ULK4: variants seen among roughly 807,000 people sequenced by gnomAD.
ULK4 encodes the protein inactive serine/threonine-protein kinase ULK4.
In ULK4, 133 loss-of-function variants were observed where a neutral mutation model predicts 160.6. The observed-to-expected ratio is 0.83, with a 90% CI of 0.72 to 0.96. The LOEUF is 0.96. ULK4 is among the 40% of genes least tolerant of loss of function. ULK4 has a pLI of 0.00. For missense variants in ULK4, 1,580 were observed against 1,499.5 expected (o/e 1.05, Z -0.89); for synonymous variants, 534 against 539.8 (o/e 0.99, Z 0.15).
At chr3:41,432,236 T>C (rs1240208448) in intron 34 of ULK4, among the ~76,000 whole-genome samples, 1 of 152,114 alleles carries the variant, frequency 6.6e-6, no homozygotes, top group Admixed American at 6.5e-5. Context: ...CAGTATGACC[T>C]TGAAATAGAG....
chr3:41,382,119 C>G (rs28682472), intron 35 of ULK4, among the ~76,000 whole-genome samples: 240 of 152,264 alleles, frequency 1.6e-3, no homozygotes, highest in African/African-American at 5.2e-3. Flanking sequence ...TGTTGTCTTT[C>G]CTCTCTTCCT....
At chr3:41,865,688 G>T (rs2042600139) in intron 17 of ULK4, among the ~76,000 whole-genome samples, 1 of 152,104 alleles carries the variant, frequency 6.6e-6, no homozygotes. Flanking sequence ...TTGGCTCAAA[G>T]AAGGTGCTCA....
chr3:41,936,584 C>A (rs1486876824), intron 3 of ULK4, among the ~76,000 whole-genome samples: 1 of 152,064 alleles, frequency 6.6e-6, no homozygotes, highest in Non-Finnish European at 1.5e-5. Flanking sequence ...TACTATTCAG[C>A]CATAAAAAAG....
At chr3:41,624,157 G>A (rs999174745) in intron 30 of ULK4, among the ~76,000 whole-genome samples, 1 of 152,150 alleles carries the variant, frequency 6.6e-6, no homozygotes. Flanking sequence ...CAGGAAACAC[G>A]CAGACTCAAA....
At chr3:41,888,774 G>GA (rs1231525213) in intron 16 of ULK4, among the ~76,000 whole-genome samples, 1 of 32,522 alleles carries the variant, frequency 3.1e-5, no homozygotes, top group African/African-American at 4.2e-5. Flanking sequence ...AACAGGGAAG[G>GA]GGTAAATGAG....
chr3:41,634,043 G>C (rs929023476), intron 30 of ULK4, among the ~76,000 whole-genome samples: 12 of 152,202 alleles, frequency 7.9e-5, no homozygotes, highest in Non-Finnish European at 2.9e-5. Context: ...CAAAATCGAT[G>C]TTCCAATGCC....
chr3:41,897,150 C>A (rs1231227298), intron 14 of ULK4, 147 bp from the exon 15 acceptor site: 2 of 668,118 alleles, frequency 3.0e-6, no homozygotes, highest in African/African-American at 3.6e-5. Flanking sequence ...AAAGATGACA[C>A]TATTTTTATT....
chr3:41,854,097 G>C (rs2042279200), intron 17 of ULK4: 1 of 152,164 alleles, frequency 6.6e-6, no homozygotes, highest in African/African-American at 2.4e-5. Flanking sequence ...GGCTGCATAA[G>C]AAATCAACCT....
chr3:41,848,759 CAG>C (rs1172549342), intron 17 of ULK4, among the ~76,000 whole-genome samples: 1 of 152,212 alleles, frequency 6.6e-6, no homozygotes, highest in Non-Finnish European at 1.5e-5. Context: ...CCAGGAATAG[CAG>C]ACTATTCCAA....
At chr3:41,436,861 A>G (rs983771139) in intron 34 of ULK4, among the ~76,000 whole-genome samples, 2 of 152,208 alleles carry the variant, frequency 1.3e-5, no homozygotes, top group African/African-American at 4.8e-5. Flanking sequence ...AAATGCCACA[A>G]GTAATATTTA....
intron 30 of ULK4, among the ~76,000 whole-genome samples, chr3:41,639,402 G>A (rs1025150602): frequency 6.6e-6 from 1 of 152,092 alleles, no homozygotes; most frequent in African/African-American, 2.4e-5. Flanking sequence ...AAGACAAAAA[G>A]AAAAGTTGTA....
chr3:41,271,221 C>G (rs566483410), intron 35 of ULK4, among the ~76,000 whole-genome samples: 1 of 152,146 alleles, frequency 6.6e-6, no homozygotes, highest in Non-Finnish European at 1.5e-5. Context: ...TCTCCCCACA[C>G]CCAACTCCAC....
intron 2 of ULK4, among the ~76,000 whole-genome samples, chr3:41,954,389 A>C (rs903386254): frequency 4.0e-5 from 6 of 151,416 alleles, no homozygotes; most frequent in Non-Finnish European, 7.4e-5. Flanking sequence ...TCCCCAATTT[A>C]TACCCACCCC....
intron 35 of ULK4, among the ~76,000 whole-genome samples, chr3:41,266,960 C>T (rs1446053743): frequency 1.4e-5 from 2 of 145,114 alleles, no homozygotes; most frequent in African/African-American, 5.2e-5. Context: ...AAATATAACC[C>T]TCTTGCCAGC....
rs745436353 is a variant in ULK4 at position 41,819,458 on chromosome 3, C to A, written c.1813G>T (p.Ala605Ser). ...PRECWAVPLA[A>S]YTVLMRCLRE... ...AGGCACCTCATTAGCACTGTGTATG[C>A]AGCCAAGGGAACAGCCCAGCACTCT... is the stretch of plus-strand genomic sequence containing the variant. Residue 605 changes from alanine (A) to serine (S), a missense_variant, in exon 19 of 37, where the codon GCA (alanine) becomes TCA (serine). By Grantham distance (99) the Ala-to-Ser change is moderately conservative (BLOSUM62 1). Transcript: ENST00000301831. 3 of 1,613,676 alleles carry A rather than the reference C, an allele frequency of 1.9e-6. No homozygotes were observed. Among genetic ancestry groups the A allele is most frequent in the Non-Finnish European group, 2.5e-6 (3 of 1,179,928 alleles).
At chr3:41,294,554 A>G (rs533396914) in intron 35 of ULK4, among the ~76,000 whole-genome samples, 2 of 152,284 alleles carry the variant, frequency 1.3e-5, no homozygotes, top group Admixed American at 1.3e-4. Context: ...AAAGAAAGTA[A>G]TCATATACGT....
At chr3:41,270,725 AC>A (rs2079125118) in intron 35 of ULK4, among the ~76,000 whole-genome samples, 1 of 152,230 alleles carries the variant, frequency 6.6e-6, no homozygotes, top group Non-Finnish European at 1.5e-5. Context: ...CTCATTTTAT[AC>A]GACGAGATCG....
In ULK4 at chr3:41,703,873, C is replaced by CACACACACAA. The variant is rs1449517903; in HGVS notation, c.2781+1183_2781+1184insTTGTGTGTGT. On this transcript the variant is annotated intron_variant, in intron 27 of 36. Coordinates refer to ENST00000301831, the MANE Select transcript of ULK4 (RefSeq NM_017886.4). ...ACACACACACACACACACACACACACACAAGTTAACTGTGTTTGAAGGGTG... is the reference window on the plus strand; with the variant it reads ...ACACACACACACACACACACACACACACACACACAAACAAGTTAACTGTGTTTGAAGGGTG... Among the ~76,000 whole-genome samples the CACACACACAA allele has an allele frequency of 2.0e-3, 267 of 130,592 alleles. 8 individuals are homozygous for CACACACACAA. Among genetic ancestry groups the CACACACACAA allele is most frequent in the African/African-American group, 8.9e-3 (247 of 27,836 alleles). The allele number at this position is 130,592 out of a possible 152,430, so 85.7% of individuals were successfully genotyped here.
chr3:41,771,226 A>C (rs1450464740), intron 21 of ULK4, among the ~76,000 whole-genome samples: 2 of 152,202 alleles, frequency 1.3e-5, no homozygotes, highest in African/African-American at 4.8e-5. Context: ...CCATTAAAAT[A>C]TGTGGTAATG....
Sources: gnomAD v4.1 joint callset for allele counts (sites outside exome capture counted in the v4.1 genomes callset) on GRCh38, gnomAD v4.1.1 for gene constraint, MANE v1.5 for transcripts, NCBI Gene and HGNC (gene_info 2026-07-23, HGNC 2026-07-21) for gene names.